RNMT: variants seen among roughly 807,000 people sequenced by gnomAD.
The protein encoded by RNMT is mRNA cap guanine-N(7) methyltransferase.
RNMT carries 27 observed loss-of-function variants against 56.0 expected under a neutral mutation model. That is an observed-to-expected ratio of 0.48 (90% CI 0.36 to 0.67). RNMT has a LOEUF of 0.67. Ranked by LOEUF, RNMT falls within the 30% of genes least tolerant of loss-of-function variation. The pLI, the probability that RNMT is intolerant of heterozygous loss-of-function variation, is 0.00. For missense variants in RNMT, 519 were observed against 552.1 expected, an observed-to-expected ratio of 0.94 and a Z score of 0.60; for synonymous variants, 184 against 176.2, an observed-to-expected ratio of 1.04 and a Z score of -0.35.
intron 3 of RNMT, among the ~76,000 whole-genome samples, chr18:13,733,563 A>C (rs1568499152): frequency 6.6e-6 from 1 of 152,092 alleles, no homozygotes; most frequent in African/African-American, 2.4e-5. Context: ...TTTTTAGTAG[A>C]GATAGGGTTT....
intron 8 of RNMT, 29 bp from the exon 9 acceptor site, chr18:13,746,191 T>G (rs371672770): frequency 1.5e-5 from 18 of 1,185,110 alleles, no homozygotes; most frequent in Non-Finnish European, 2.1e-5. Flanking sequence ...ATGTGGAAGC[T>G]TTTTCATTAA....
intron 3 of RNMT, among the ~76,000 whole-genome samples, chr18:13,733,742 A>G (rs991211140): frequency 1.3e-5 from 2 of 152,226 alleles, no homozygotes; most frequent in African/African-American, 2.4e-5. Context: ...TAATGTAATT[A>G]TAGCTTATTC....
chr18:13,758,037 A>G (rs2044571595), intron 11 of RNMT, among the ~76,000 whole-genome samples: 1 of 152,134 alleles, frequency 6.6e-6, no homozygotes. Flanking sequence ...TTTGAAAAGA[A>G]TTTTATTTTT....
At chr18:13,744,092 T>C (rs2044305230) in intron 8 of RNMT, among the ~76,000 whole-genome samples, 1 of 144,782 alleles carries the variant, frequency 6.9e-6, no homozygotes. Context: ...TTGGTGATTT[T>C]AGTATAATCA....
At position 13,751,335 on chromosome 18, in the gene RNMT, G is replaced by C. The variant is rs1044704190; in HGVS notation, c.1258-991G>C. On this transcript the variant is annotated intron_variant, in intron 9 of 11. Coordinates refer to ENST00000383314, the MANE Select transcript of RNMT (RefSeq NM_003799.3). ...TATGAACAGACACTTCTCAAAACAC[G>C]ACATTTATGCAGCCAACAGACACAG... Among the ~76,000 whole-genome samples the C allele has an allele frequency of 2.6e-5, 4 of 152,148 alleles. No individual in the cohort carries two copies. The East Asian group carries it at 7.7e-4, about 29-fold the overall frequency.
Position 13,731,684 on chromosome 18 carries a change from C to T in RNMT, c.167C>T (p.Ala56Val). 6.2e-7 allele frequency: 1 copy of T among 1,613,872 alleles called. No homozygotes were observed. The highest frequency in any genetic ancestry group is 2.2e-5 in the East Asian group (1 of 44,858). Residue 56 changes from alanine to valine, a missense_variant, in exon 3 of 12, where the codon GCA (alanine) becomes GTA (valine). Transcript: ENST00000383314. Reference protein sequence around the residue: ...KTSVCRQVDIARKRKEFEDDL... With the variant: ...KTSVCRQVDIVRKRKEFEDDL... The stretch of plus-strand genomic sequence containing the variant: ...TCTGTCTGTAGGCAAGTAGACATAG[C>T]AAGAAAGAGAAAAGAGTTTGAAGAT...
rs2044503199 is a variant in RNMT, at chr18:13,754,111, T to C, written c.1360-3T>C. The C allele has an allele frequency of 2.6e-6, 4 of 1,532,102 alleles. No individual in the cohort carries two copies. The highest frequency in any genetic ancestry group is 3.6e-6 in the Non-Finnish European group (4 of 1,108,444). 94.9% of individuals were successfully genotyped at this position (1,532,102 alleles called of 1,614,324 possible). A position where few individuals can be genotyped will look rare whatever the true frequency, so the allele number is the denominator to read the frequency against. ...ATTTTCTTTTTCTCTTTTGTAATTT[T>C]AGGGAACCTTAAGTAAATCAGAATG... On this transcript the variant is annotated splice_region_variant and splice_polypyrimidine_tract_variant and intron_variant, in intron 10 of 11. Coordinates refer to ENST00000383314, the MANE Select transcript of RNMT (RefSeq NM_003799.3).
intron 10 of RNMT, 82 bp from the exon 11 acceptor site, chr18:13,754,032 T>A: frequency 1.3e-6 from 1 of 755,464 alleles, no homozygotes; most frequent in Non-Finnish European, 2.3e-6. Flanking sequence ...CTTTTGGCCA[T>A]CTCTGCCCAT....
rs748946410 is a variant in RNMT at position 13,763,080 on chromosome 18, G to T, written c.*3101G>T. 6 of 455,896 alleles carry T rather than the reference G, an allele frequency of 1.3e-5. No individual in the cohort carries two copies. The highest frequency in any genetic ancestry group is 2.6e-5 in the Non-Finnish European group (6 of 226,798). The allele number at this position is 455,896 out of a possible 1,614,324, so 28.2% of individuals were successfully genotyped here. A position where few individuals can be genotyped will look rare whatever the true frequency, so the allele number is the denominator to read the frequency against. On this transcript the variant is annotated 3_prime_UTR_variant, in exon 12 of 12. Transcript: ENST00000383314. ...CAGGGACCAGGCCCTAATAATAGAA[G>T]TTGTACCAAAATGCCTGTGGTACTT...
At chr18:13,746,163 A>G (rs905885825) in intron 8 of RNMT, 57 bp from the exon 9 acceptor site, 4 of 871,834 alleles carry the variant, frequency 4.6e-6, no homozygotes, top group Non-Finnish European at 5.5e-6. Flanking sequence ...TACAAAAGTA[A>G]GTTGAGGAAT....
chr18:13,752,477 T>C, intron 10 of RNMT, 50 bp downstream of exon 10: 2 of 1,111,296 alleles, frequency 1.8e-6, no homozygotes, highest in Non-Finnish European at 2.7e-6. Context: ...AAAAAGAACA[T>C]GCTTATATGG....
At chr18:13,756,256 C>T (rs74554157) in intron 11 of RNMT, among the ~76,000 whole-genome samples, 1,575 of 152,242 alleles carry the variant, frequency 0.01, 16 homozygotes, top group African/African-American at 0.028. Flanking sequence ...GAAATGCCTG[C>T]ATAGAAGGCA....
chr18:13,758,660 A>G (rs1349867403), intron 11 of RNMT, among the ~76,000 whole-genome samples: 2 of 152,212 alleles, frequency 1.3e-5, no homozygotes, highest in Admixed American at 1.3e-4. Context: ...TCTGAAAATC[A>G]GCAGTAAGGC....
chr18:13,744,153 G>A (rs1345357826), intron 8 of RNMT, among the ~76,000 whole-genome samples: 2 of 60,096 alleles, frequency 3.3e-5, no homozygotes, highest in African/African-American at 5.7e-5. Context: ...AAGACCTAGC[G>A]GTCTTCTTTT....
At chr18:13,754,254 C>T in intron 11 of RNMT, 107 bp downstream of exon 11, 2 of 679,364 alleles carry the variant, frequency 2.9e-6, no homozygotes, top group Non-Finnish European at 4.9e-6. Context: ...CACCAGTACT[C>T]TCAGTATTTT....
At chr18:13,729,438 C>A (rs143524516) in intron 1 of RNMT, among the ~76,000 whole-genome samples, 31 of 152,280 alleles carry the variant, frequency 2.0e-4, no homozygotes, top group African/African-American at 7.0e-4. Flanking sequence ...AGATAAGTCA[C>A]ATTTCTTTAT....
Position 13,746,292 on chromosome 18 carries a change from G to T in RNMT, c.1212G>T (p.Lys404Asn). ...TGGAATTCTACGAAGAAAAGATTAA[G>T]AACAATGAAAATAAAATGCTCTTAA... ...TFLEFYEEKIKNNENKMLLKR... is the reference protein window; with the variant it reads ...TFLEFYEEKINNNENKMLLKR... Residue 404 changes from lysine (K) to asparagine (N), a missense_variant, in exon 9 of 12, where the codon AAG (lysine) becomes AAT (asparagine). Lys to Asn is a moderately conservative substitution (Grantham distance 94). Transcript: ENST00000383314. The T allele has an allele frequency of 6.4e-7, 1 of 1,573,582 alleles. No homozygotes were observed. Among genetic ancestry groups the T allele is most frequent in the South Asian group, 1.1e-5 (1 of 88,308 alleles).
chr18:13,742,126 G>T (rs546172408), intron 7 of RNMT, among the ~76,000 whole-genome samples: 111 of 152,262 alleles, frequency 7.3e-4, no homozygotes, highest in African/African-American at 2.6e-3. Context: ...ATTGCTTGAG[G>T]CCAGGAGTTT....
chr18:13,731,513 C>A lies in RNMT; in HGVS notation c.-5C>A. The A allele has an allele frequency of 6.3e-7, 1 of 1,578,546 alleles. No individual in the cohort carries two copies. The highest frequency in any genetic ancestry group is 1.2e-5 in the South Asian group (1 of 84,316). On this transcript the variant is annotated 5_prime_UTR_variant, in exon 3 of 12. Coordinates refer to ENST00000383314, the MANE Select transcript of RNMT (RefSeq NM_003799.3). ...AAGTTTTACCATCAATTCAAGTAATCATAAATGGCAAATTCTGCAAAAGCA... is the reference window on the plus strand; with the variant it reads ...AAGTTTTACCATCAATTCAAGTAATAATAAATGGCAAATTCTGCAAAAGCA...
Sources: allele counts gnomAD v4.1 joint callset (sites outside exome capture counted in the v4.1 genomes callset), GRCh38; gene constraint gnomAD v4.1.1; transcripts MANE v1.5; gene names NCBI Gene and HGNC (gene_info 2026-07-23, HGNC 2026-07-21).